Variants in ACER1 observed in about 807,000 individuals in gnomAD.
ACER1 encodes the protein alkaline ceramidase 1.
ACER1 carries 28 observed loss-of-function variants against 24.9 expected under a neutral mutation model. The observed-to-expected ratio is 1.13, with a 90% confidence interval of 0.83 to 1.54. The LOEUF (loss-of-function observed/expected upper bound fraction) is 1.54. ACER1 is among the 40% of genes most tolerant of loss of function. ACER1 has a pLI of 0.00. For missense variants in ACER1, 352 were observed against 349.3 expected, an observed-to-expected ratio of 1.01 and a Z score of -0.06; for synonymous variants, 132 against 131.4, an observed-to-expected ratio of 1.00 and a Z score of -0.03.
the ACER1 span, among the ~76,000 whole-genome samples, chr19:6,357,754 C>T: frequency 6.7e-6 from 1 of 148,558 alleles, no homozygotes; most frequent in African/African-American, 2.5e-5. Flanking sequence ...CAGAGTGAGA[C>T]CCCGTCTCAA....
intron 3 of ACER1, among the ~76,000 whole-genome samples, chr19:6,311,687 G>A (rs898613909): frequency 6.6e-6 from 1 of 151,906 alleles, no homozygotes; most frequent in Non-Finnish European, 1.5e-5. Flanking sequence ...AGGAGGAGGA[G>A]GTGGAAAAGT....
the ACER1 span, among the ~76,000 whole-genome samples, chr19:6,357,678 G>A: frequency 4.7e-4 from 71 of 151,678 alleles, 2 homozygotes; most frequent in South Asian, 0.012. Flanking sequence ...CCCGAGAATC[G>A]CTTGAACCGG....
chr19:6,311,844 C>A (rs2091583563), intron 3 of ACER1, among the ~76,000 whole-genome samples: 1 of 151,802 alleles, frequency 6.6e-6, no homozygotes, highest in Non-Finnish European at 1.5e-5. Context: ...CCCTCAGGCC[C>A]AGGTAAGTGT....
chr19:6,312,419 G>A lies in ACER1; in HGVS notation c.174C>T (p.Tyr58=). 2 of 1,614,006 alleles carry A rather than the reference G, an allele frequency of 1.2e-6. No homozygotes were observed. Among genetic ancestry groups the A allele is most frequent in the Non-Finnish European group, 1.7e-6 (2 of 1,180,004 alleles). The change falls in exon 2 of 6, where the codon TAC becomes TAT. Residue 58 remains tyrosine (Y), a synonymous_variant. Transcript: ENST00000301452. ...MHPYAQKRSR[Y]IYVVWVLFMI... ...TGAAGAGGACCCAGACAACGTAAAT[G>A]TAGCGGGAGCGCTTCTGGGCATACG...
chr19:6,312,378 T>TC lies in ACER1; in HGVS notation c.208+6dup. On this transcript the variant is annotated splice_region_variant and intron_variant, in intron 2 of 5. Coordinates refer to ENST00000301452, the MANE Select transcript of ACER1 (RefSeq NM_133492.3). The stretch of plus-strand genomic sequence containing the variant: ...GACTGTCACAGACCTGAACCACACC[T>TC]CCCTACCTATGATCATGAAGAGGAC... 1 of 1,613,790 alleles carries TC rather than the reference T, an allele frequency of 6.2e-7. No homozygotes were observed.
intron 3 of ACER1, 78 bp downstream of exon 3, chr19:6,312,070 AG>A: frequency 6.6e-7 from 1 of 1,525,798 alleles, no homozygotes; most frequent in Non-Finnish European, 8.8e-7. Flanking sequence ...GTGGGGACCC[AG>A]GGGACTCAGG....
rs111462086 is a variant in ACER1, at chr19:6,325,819, C to G, written c.93+7640G>C. On this transcript the variant is annotated intron_variant, in intron 1 of 5. Transcript: ENST00000301452. ...AGGCTGCAGTGAGCTATGATCACAC[C>G]GCTGTACTCCAGGCAGGGCAACAGA... 2.4e-3 allele frequency among the ~76,000 whole-genome samples: 344 copies of G among 142,710 alleles called. 2 individuals carry two copies. Among genetic ancestry groups the G allele is most frequent in the African/African-American group, 8.3e-3 (318 of 38,092 alleles). 93.6% of individuals were successfully genotyped at this position (142,710 alleles called of 152,430 possible). A position where few individuals can be genotyped will look rare whatever the true frequency, so the allele number is the denominator to read the frequency against.
chr19:6,324,871 GGAAGGAAGGA>G (rs2091652496), intron 1 of ACER1, among the ~76,000 whole-genome samples: 6 of 137,888 alleles, frequency 4.4e-5, no homozygotes, highest in African/African-American at 9.0e-5. Context: ...AAGGAAGGAA[GGAAGGAAGGA>G]AGGAAGGAAG....
At chr19:6,343,827 C>T in the ACER1 span, 1 of 152,202 alleles carries the variant, frequency 6.6e-6, no homozygotes, top group Non-Finnish European at 1.5e-5. Context: ...AACAGGCTGC[C>T]TCCATCACAT....
upstream of ACER1, among the ~76,000 whole-genome samples, chr19:6,336,692 C>T (rs1477052577): frequency 4.6e-5 from 7 of 151,214 alleles, no homozygotes; most frequent in Admixed American, 3.3e-4. Context: ...TGGTGGCGGG[C>T]GCCTGTAGTC....
chr19:6,354,841 CCT>C, the ACER1 span, among the ~76,000 whole-genome samples: 1 of 152,166 alleles, frequency 6.6e-6, no homozygotes, highest in Non-Finnish European at 1.5e-5. Context: ...TCTCCCTCTC[CCT>C]CTCTTTCCAC....
At chr19:6,329,754 G>A (rs1010750877) in intron 1 of ACER1, among the ~76,000 whole-genome samples, 59 of 152,130 alleles carry the variant, frequency 3.9e-4, no homozygotes, top group African/African-American at 1.3e-3. Context: ...TGCCCAGGCC[G>A]GAATACGGTG....
At chr19:6,359,735 AAC>A in the ACER1 span, among the ~76,000 whole-genome samples, 1 of 152,202 alleles carries the variant, frequency 6.6e-6, no homozygotes, top group African/African-American at 2.4e-5. Flanking sequence ...TCCCTGATCT[AAC>A]ACAGCAATAA....
At chr19:6,347,110 ATAT>A in the ACER1 span, among the ~76,000 whole-genome samples, 1 of 52,364 alleles carries the variant, frequency 1.9e-5, no homozygotes, top group African/African-American at 1.0e-4. Flanking sequence ...AAAAAAAAAA[ATAT>A]ATATATATAT....
chr19:6,356,412 A>G, the ACER1 span, among the ~76,000 whole-genome samples: 1 of 149,758 alleles, frequency 6.7e-6, no homozygotes, highest in Non-Finnish European at 1.5e-5. Flanking sequence ...TCCCTCCACT[A>G]TTGTCCTATG....
chr19:6,356,359 A>G, the ACER1 span, among the ~76,000 whole-genome samples: 3 of 149,260 alleles, frequency 2.0e-5, no homozygotes, highest in Non-Finnish European at 4.4e-5. Context: ...TCCTCTGCCT[A>G]GGAAAACCAG....
At chr19:6,323,349 G>GA (rs2091641834) in intron 1 of ACER1, among the ~76,000 whole-genome samples, 12 of 151,028 alleles carry the variant, frequency 7.9e-5, no homozygotes, top group South Asian at 2.1e-4. Context: ...GAACCCTAGG[G>GA]GGCAGAGCCT....
the ACER1 span, among the ~76,000 whole-genome samples, chr19:6,350,799 C>T: frequency 7.9e-5 from 12 of 152,186 alleles, no homozygotes; most frequent in Non-Finnish European, 1.8e-4. Context: ...ACAACAGGAG[C>T]TGTACCCCAA....
the ACER1 span, among the ~76,000 whole-genome samples, chr19:6,357,781 G>A: frequency 6.6e-5 from 10 of 151,564 alleles, no homozygotes; most frequent in South Asian, 2.1e-4. Flanking sequence ...AAAAAAATTA[G>A]CTTTTTTGGG....
Sources: allele counts gnomAD v4.1 joint callset (sites outside exome capture counted in the v4.1 genomes callset), GRCh38; gene constraint gnomAD v4.1.1; transcripts MANE v1.5; gene names NCBI Gene and HGNC (gene_info 2026-07-23, HGNC 2026-07-21).